Variants in FAM81B observed in about 807,000 individuals in gnomAD.
FAM81B encodes the protein protein FAM81B.
Under a neutral mutation model 58.7 loss-of-function variants are expected in FAM81B, and 60 were observed. The observed-to-expected ratio is 1.02, with a 90% confidence interval of 0.83 to 1.27. FAM81B has a LOEUF of 1.27. Ranked by LOEUF, FAM81B falls within the 50% of genes most tolerant of loss-of-function variation. The probability of loss-of-function intolerance (pLI) is 0.00; values close to 1 mark genes in which losing one functional copy is unlikely to be tolerated. For missense variants in FAM81B, 491 were observed against 522.0 expected (o/e 0.94, Z 0.58); for synonymous variants, 189 against 179.6 (o/e 1.05, Z -0.42).
chr5:95,408,291 T>A lies in FAM81B; in HGVS notation c.294-5656T>A, dbSNP rs533337420. ...GGGTATCAGGATTTTTAAGTTTCTT[T>A]GCCTGTACATGAAATAGCCCTGGCC... is the stretch of plus-strand genomic sequence containing the variant. On this transcript the variant is annotated intron_variant, in intron 3 of 9. Coordinates refer to ENST00000283357, the MANE Select transcript of FAM81B (RefSeq NM_152548.3). Among the ~76,000 whole-genome samples, 6 of 152,336 alleles carry A rather than the reference T, an allele frequency of 3.9e-5. No individual in the cohort carries two copies. In the South Asian group the frequency reaches 1.2e-3, roughly 32 times the overall value.
chr5:95,397,236 A>G (rs1761988745), intron 3 of FAM81B, among the ~76,000 whole-genome samples: 1 of 152,196 alleles, frequency 6.6e-6, no homozygotes. Flanking sequence ...CATAACTTGT[A>G]TTTGTTTATA....
At chr5:95,440,878 C>T (rs1745311942) in intron 7 of FAM81B, among the ~76,000 whole-genome samples, 1 of 152,104 alleles carries the variant, frequency 6.6e-6, no homozygotes, top group Non-Finnish European at 1.5e-5. Flanking sequence ...CTGCTGCAGG[C>T]CAGGGCCACC....
chr5:95,404,108 T>C (rs968374024), intron 3 of FAM81B, among the ~76,000 whole-genome samples: 3 of 152,160 alleles, frequency 2.0e-5, no homozygotes, highest in African/African-American at 7.2e-5. Flanking sequence ...AAATCTGGGA[T>C]ATAGATTGTC....
In FAM81B at chr5:95,414,054, G is replaced by C; in HGVS notation, c.401G>C (p.Arg134Pro). The change falls in exon 4 of 10, where the codon CGC becomes CCC. Residue 134 changes from arginine to proline, a missense_variant. Physicochemically the swap from Arg to Pro is moderately radical, Grantham distance 103. Transcript: ENST00000283357. ...GCTTTCCTTCTTGAACAAGCCTTCC[G>C]CATCAAGGAGGACATCTCTGCTTGC... ...TIAFLLEQAF[R>P]IKEDISACLQ... is the part of the protein sequence containing the mutation. 6.2e-7 allele frequency: 1 copy of C among 1,614,024 alleles called. No individual in the cohort carries two copies. Among genetic ancestry groups the C allele is most frequent in the Non-Finnish European group, 8.5e-7 (1 of 1,180,008 alleles).
At chr5:95,401,354 T>C (rs1232453705) in intron 3 of FAM81B, among the ~76,000 whole-genome samples, 1 of 152,104 alleles carries the variant, frequency 6.6e-6, no homozygotes, top group Non-Finnish European at 1.5e-5. Flanking sequence ...TGTACTTCCT[T>C]CTGCACTGGG....
chr5:95,445,276 T>C (rs1014646982), intron 7 of FAM81B, among the ~76,000 whole-genome samples: 3 of 152,196 alleles, frequency 2.0e-5, no homozygotes, highest in African/African-American at 4.8e-5. Context: ...TGTAAGACAG[T>C]CTGAATATTT....
intron 5 of FAM81B, chr5:95,423,965 C>T (rs1762755857): frequency 1.6e-6 from 2 of 1,265,482 alleles, no homozygotes; most frequent in Non-Finnish European, 1.0e-6. Context: ...AACATGTCCC[C>T]TTAGAGATTC....
At chr5:95,445,616 T>C (rs1269641457) in intron 7 of FAM81B, among the ~76,000 whole-genome samples, 1 of 152,196 alleles carries the variant, frequency 6.6e-6, no homozygotes, top group Non-Finnish European at 1.5e-5. Context: ...ATAGGTCCCG[T>C]AGGTACCTTC....
At position 95,426,824 on chromosome 5, in the gene FAM81B, C is replaced by G. The variant is rs113696616; in HGVS notation, c.657-1779C>G. ...AGCACTTTGGGAGGCTGAGGCGGGC[C>G]GATCACGAGGTCAGGAGCTCGAGAC... On this transcript the variant is annotated intron_variant, in intron 5 of 9. Transcript: ENST00000283357. 1.2e-3 allele frequency among the ~76,000 whole-genome samples: 186 copies of G among 152,088 alleles called. 1 individual carries two copies. Among genetic ancestry groups the G allele is most frequent in the Non-Finnish European group, 2.0e-3 (134 of 67,962 alleles).
chr5:95,435,264 G>T (rs1273387504), intron 6 of FAM81B, among the ~76,000 whole-genome samples: 2 of 152,096 alleles, frequency 1.3e-5, no homozygotes, highest in African/African-American at 2.4e-5. Flanking sequence ...TCAAGAGTGG[G>T]TTTTTTGTTG....
At chr5:95,425,201 A>G (rs541890965) in intron 5 of FAM81B, among the ~76,000 whole-genome samples, 30 of 152,150 alleles carry the variant, frequency 2.0e-4, no homozygotes, top group African/African-American at 7.2e-4. Flanking sequence ...TGCCTATAAG[A>G]GAAGAAAGTG....
chr5:95,432,323 T>C (rs1488764169), intron 6 of FAM81B, among the ~76,000 whole-genome samples: 1 of 152,104 alleles, frequency 6.6e-6, no homozygotes, highest in African/African-American at 2.4e-5. Flanking sequence ...TTAGTGCTTT[T>C]AAGTGAGATT....
chr5:95,410,826 C>T (rs1762386497), intron 3 of FAM81B: 1 of 152,098 alleles, frequency 6.6e-6, no homozygotes, highest in Admixed American at 6.6e-5. Flanking sequence ...TGGAAAACAT[C>T]CTAGGCTAAG....
intron 3 of FAM81B, among the ~76,000 whole-genome samples, chr5:95,398,458 C>A (rs1480680108): frequency 7.4e-6 from 1 of 135,360 alleles, no homozygotes; most frequent in African/African-American, 2.8e-5. Context: ...AAATAAAAAA[C>A]TTCAGCCTTC....
At chr5:95,409,177 G>A (rs958084941) in intron 3 of FAM81B, among the ~76,000 whole-genome samples, 15 of 152,248 alleles carry the variant, frequency 9.9e-5, no homozygotes, top group Admixed American at 3.9e-4. Flanking sequence ...TTTGTTTTCT[G>A]AGATGGAGTC....
intron 6 of FAM81B, among the ~76,000 whole-genome samples, chr5:95,431,175 T>C (rs1744870412): frequency 6.6e-6 from 1 of 152,080 alleles, no homozygotes; most frequent in Non-Finnish European, 1.5e-5. Context: ...GTTCTCTAGT[T>C]GTAGTTGAAT....
intron 1 of FAM81B, 90 bp downstream of exon 1, chr5:95,391,603 C>A: frequency 7.2e-7 from 1 of 1,380,466 alleles, no homozygotes; most frequent in Non-Finnish European, 9.8e-7. Context: ...ATAATGAATC[C>A]CAATGAAGAC....
At chr5:95,396,208 T>C in intron 3 of FAM81B, 33 bp downstream of exon 3, 1 of 1,484,388 alleles carries the variant, frequency 6.7e-7, no homozygotes, top group South Asian at 1.2e-5. Context: ...GTTTTAACTA[T>C]TAACTGCATT....
chr5:95,426,094 G>GTATATA (rs57076025), intron 5 of FAM81B, among the ~76,000 whole-genome samples: 6,150 of 119,810 alleles, frequency 0.051, 184 homozygotes, highest in African/African-American at 0.077. Context: ...ATCTCTGTGT[G>GTATATA]TATATATATA....
Sources: allele counts gnomAD v4.1 joint callset (sites outside exome capture counted in the v4.1 genomes callset), GRCh38; gene constraint gnomAD v4.1.1; transcripts MANE v1.5; gene names NCBI Gene and HGNC (gene_info 2026-07-23, HGNC 2026-07-21).